SLIT2: variants seen among roughly 807,000 people sequenced by gnomAD.
SLIT2 encodes the protein slit guidance ligand 2.
A neutral mutation model predicts 185.7 loss-of-function variants in SLIT2; 41 were observed. That is an observed-to-expected ratio of 0.22 (90% confidence interval 0.17 to 0.29). The LOEUF (loss-of-function observed/expected upper bound fraction) is 0.29, where lower values mean the gene tolerates loss of function less well. Ranked by LOEUF, SLIT2 falls within the 10% of genes least tolerant of loss-of-function variation. The pLI is 1.00. For missense variants in SLIT2, 1,571 were observed against 1,909.0 expected (o/e 0.82, Z 3.30); for synonymous variants, 693 against 680.2 (o/e 1.02, Z -0.29).
chr4:20,334,589 C>A (rs1013836578), intron 4 of SLIT2, among the ~76,000 whole-genome samples: 3 of 152,110 alleles, frequency 2.0e-5, no homozygotes, highest in African/African-American at 7.2e-5. Flanking sequence ...AGAGGTAAAT[C>A]ATTTCTGTTT....
intron 4 of SLIT2, among the ~76,000 whole-genome samples, chr4:20,375,740 C>T (rs77093339): frequency 1.1e-3 from 160 of 151,904 alleles, no homozygotes; most frequent in African/African-American, 3.6e-3. Flanking sequence ...CGTATGAACC[C>T]ATCAAAGGAT....
At position 20,258,136 on chromosome 4, in the gene SLIT2, C is replaced by A. The variant is rs74362907; in HGVS notation, c.323+197C>A. Among the ~76,000 whole-genome samples the A allele has an allele frequency of 7.3e-3, 1,102 of 151,904 alleles. 11 individuals are homozygous for A. The highest frequency in any genetic ancestry group is 0.025 in the African/African-American group (1,025 of 41,524). On this transcript the variant is annotated intron_variant, in intron 3 of 36. Coordinates refer to ENST00000504154, the MANE Select transcript of SLIT2 (RefSeq NM_004787.4). ...AAAAGTTCTAACTTGTAATTAAGCT[C>A]AAAAATACAGTTACTTTCCTGAGAC...
rs186710991 is a variant in SLIT2 at position 20,262,969 on chromosome 4, A to G, written c.323+5030A>G. Reference sequence around the variant, plus strand: ...AGCAGTGAGGGTGTTTATTTTTCCCACATCTGTTTTGGGTCCTCTTTTGTG... The same window carrying G: ...AGCAGTGAGGGTGTTTATTTTTCCCGCATCTGTTTTGGGTCCTCTTTTGTG... On this transcript the variant is annotated intron_variant, in intron 3 of 36. Coordinates refer to ENST00000504154, the MANE Select transcript of SLIT2 (RefSeq NM_004787.4). 2.6e-5 allele frequency among the ~76,000 whole-genome samples: 4 copies of G among 151,708 alleles called. No individual in the cohort carries two copies. The East Asian group carries it at 7.8e-4, about 29-fold the overall frequency.
chr4:20,462,217 G>A (rs1319588241), intron 4 of SLIT2, among the ~76,000 whole-genome samples: 1 of 152,080 alleles, frequency 6.6e-6, no homozygotes, highest in Non-Finnish European at 1.5e-5. Flanking sequence ...TTCAGAATGG[G>A]GAAGCCTTTC....
intron 34 of SLIT2, 115 bp from the exon 35 acceptor site, chr4:20,616,795 C>G: frequency 8.4e-7 from 1 of 1,186,640 alleles, no homozygotes; most frequent in Non-Finnish European, 1.2e-6. Flanking sequence ...CCACCCTGCC[C>G]AAATATCCTG....
chr4:20,305,929 A>G lies in SLIT2; in HGVS notation c.395+37048A>G, dbSNP rs543452098. ...ATAATAATAATAATAATAATCCTAA[A>G]GAAGTTATGGTGCCCACATAGGTTA... is the stretch of plus-strand genomic sequence containing the variant. On this transcript the variant is annotated intron_variant, in intron 4 of 36. Transcript: ENST00000504154. 1.9e-4 allele frequency among the ~76,000 whole-genome samples: 29 copies of G among 149,116 alleles called. No individual in the cohort carries two copies. In the Middle Eastern group the frequency reaches 0.011, roughly 54 times the overall value.
chr4:20,337,985 G>T lies in SLIT2; in HGVS notation c.395+69104G>T, dbSNP rs576829381. Among the ~76,000 whole-genome samples the T allele has an allele frequency of 5.4e-4, 82 of 152,232 alleles. 3 individuals carry two copies. The South Asian group carries it at 0.016, about 29-fold the overall frequency. ...TGCTTGAAAGCTGCTTTAAAAATTA[G>T]TTGTAAATCCAAGGAAAAGGAAGGA... On this transcript the variant is annotated intron_variant, in intron 4 of 36. Transcript: ENST00000504154.
chr4:20,590,893 T>A (rs1320574476), intron 30 of SLIT2, among the ~76,000 whole-genome samples: 2 of 152,232 alleles, frequency 1.3e-5, no homozygotes, highest in South Asian at 2.1e-4. Context: ...GATTTATACT[T>A]ACCAGTTGGG....
At chr4:20,349,506 T>A (rs528301462) in intron 4 of SLIT2, among the ~76,000 whole-genome samples, 1 of 152,248 alleles carries the variant, frequency 6.6e-6, no homozygotes, top group East Asian at 1.9e-4. Context: ...TATAAAGATA[T>A]GATGCTATTG....
chr4:20,495,182 G>T (rs556985442), intron 9 of SLIT2, among the ~76,000 whole-genome samples: 1 of 152,208 alleles, frequency 6.6e-6, no homozygotes, highest in Non-Finnish European at 1.5e-5. Flanking sequence ...CAAGAGAGTA[G>T]ATAAGCCGCA....
chr4:20,512,045 A>C (rs1719803821), intron 11 of SLIT2, among the ~76,000 whole-genome samples: 1 of 152,220 alleles, frequency 6.6e-6, no homozygotes, highest in Admixed American at 6.5e-5. Flanking sequence ...ATATTACTTC[A>C]CACTTGTAAA....
At chr4:20,465,021 A>G (rs1714184043) in intron 4 of SLIT2, among the ~76,000 whole-genome samples, 1 of 152,214 alleles carries the variant, frequency 6.6e-6, no homozygotes, top group South Asian at 2.1e-4. Context: ...AGTTGACTAT[A>G]TATAGAAAAT....
At chr4:20,290,074 G>A (rs1299832691) in intron 4 of SLIT2, among the ~76,000 whole-genome samples, 1 of 152,072 alleles carries the variant, frequency 6.6e-6, no homozygotes, top group Non-Finnish European at 1.5e-5. Context: ...TCATCTCCCA[G>A]TTGCCTCCCT....
chr4:20,318,125 G>T (rs1718752631), intron 4 of SLIT2, among the ~76,000 whole-genome samples: 4 of 152,044 alleles, frequency 2.6e-5, no homozygotes, highest in Admixed American at 6.6e-5. Context: ...TGTTTCCAAA[G>T]GCTTAAAATG....
rs7439490 is a variant in SLIT2, at chr4:20,252,365, C to G, written c.-1451C>G. ...CCCTCCCTCTCCCCGACCTCGCTCC[C>G]TGGAGCGGGAGGCCAGGAAAGCAGC... On this transcript the variant is annotated 5_prime_UTR_variant, in exon 1 of 37. Transcript: ENST00000504154. Among the ~76,000 whole-genome samples, 1 of 152,154 alleles carries G rather than the reference C, an allele frequency of 6.6e-6. No individual in the cohort carries two copies. The highest frequency in any genetic ancestry group is 3.2e-3 in the Middle Eastern group (1 of 316).
intron 4 of SLIT2, among the ~76,000 whole-genome samples, chr4:20,310,423 C>T (rs765722247): frequency 1.3e-5 from 2 of 152,174 alleles, no homozygotes; most frequent in Non-Finnish European, 1.5e-5. Flanking sequence ...GTTCATAGCA[C>T]CATCATAACC....
In SLIT2 at chr4:20,528,205, C is replaced by T. The variant is rs149369857; in HGVS notation, c.1463-744C>T. 126 of 528,416 alleles carry T rather than the reference C, an allele frequency of 2.4e-4. No individual in the cohort carries two copies. The highest frequency in any genetic ancestry group is 1.7e-3 in the African/African-American group (88 of 51,900). The allele number at this position is 528,416 out of a possible 1,614,324, so 32.7% of individuals were successfully genotyped here. A position where few individuals can be genotyped will look rare whatever the true frequency, so the allele number is the denominator to read the frequency against. On this transcript the variant is annotated intron_variant, in intron 15 of 36. Coordinates refer to ENST00000504154, the MANE Select transcript of SLIT2 (RefSeq NM_004787.4). The surrounding 1 kb of genome is among the most constrained non-coding windows in gnomAD (Gnocchi z 4.2). ...TGTAAACAGTATTACGTTTCCAGAA[C>T]GTCTGTAGCTTTTCTCCTCCTTCCC...
chr4:20,407,594 A>G (rs1025998857), intron 4 of SLIT2, among the ~76,000 whole-genome samples: 2 of 152,130 alleles, frequency 1.3e-5, no homozygotes, highest in Non-Finnish European at 2.9e-5. Flanking sequence ...CTTAGTCCCA[A>G]ACAAGCCAGC....
intron 33 of SLIT2, among the ~76,000 whole-genome samples, chr4:20,600,493 G>A (rs1354575680): frequency 1.4e-5 from 2 of 146,134 alleles, no homozygotes; most frequent in Non-Finnish European, 3.0e-5. Flanking sequence ...TGCGATCTTG[G>A]CTCACTGCAA....
Sources: allele counts gnomAD v4.1 joint callset (sites outside exome capture counted in the v4.1 genomes callset), GRCh38; gene constraint gnomAD v4.1.1; non-coding constraint Gnocchi (gnomAD v3.1); transcripts MANE v1.5; gene names NCBI Gene and HGNC (gene_info 2026-07-23, HGNC 2026-07-21).